Variants in CTNNA1 observed in about 807,000 individuals in gnomAD.
CTNNA1 encodes the protein catenin alpha 1.
CTNNA1 carries 37 observed loss-of-function variants against 98.4 expected under a neutral mutation model. That is an observed-to-expected ratio of 0.38 (90% CI 0.29 to 0.49). CTNNA1 has a LOEUF of 0.49. CTNNA1 is among the 20% of genes least tolerant of loss of function. The pLI is 0.95. For missense variants in CTNNA1, 761 were observed against 1,147.2 expected (o/e 0.66, Z 4.86); for synonymous variants, 404 against 413.2 (o/e 0.98, Z 0.27).
intron 3 of CTNNA1, among the ~76,000 whole-genome samples, chr5:138,799,878 ATGTATGTATGTATGTG>A (rs200197625): frequency 0.037 from 5,654 of 151,658 alleles, 286 homozygotes; most frequent in African/African-American, 0.12. Flanking sequence ...GTATGTATGT[ATGTATGTATGTATGTG>A]TGTGTGTATG....
intron 1 of CTNNA1, among the ~76,000 whole-genome samples, chr5:138,757,840 A>G (rs1402665838): frequency 5.9e-5 from 9 of 152,178 alleles, no homozygotes; most frequent in Non-Finnish European, 1.2e-4. Flanking sequence ...GGATGGAATG[A>G]TAACAGATGA....
intron 1 of CTNNA1, among the ~76,000 whole-genome samples, chr5:138,757,598 G>A (rs1458378566): frequency 2.0e-5 from 3 of 152,184 alleles, no homozygotes; most frequent in South Asian, 2.1e-4. Flanking sequence ...CAGCACTTTC[G>A]TTTCTGGTAG....
intron 8 of CTNNA1, 119 bp from the exon 9 acceptor site, chr5:138,887,371 T>C (rs748377991): frequency 7.3e-5 from 49 of 671,848 alleles, no homozygotes; most frequent in Non-Finnish European, 1.1e-4. Flanking sequence ...GGTCCTCATG[T>C]AAGTGCAGCA....
chr5:138,893,369 G>A (rs1022160480), intron 9 of CTNNA1, among the ~76,000 whole-genome samples: 3 of 151,926 alleles, frequency 2.0e-5, no homozygotes, highest in Admixed American at 6.6e-5. Flanking sequence ...CATCATGTTC[G>A]TTCCTATCAG....
chr5:138,843,025 A>G (rs1303801517), intron 7 of CTNNA1, among the ~76,000 whole-genome samples: 1 of 152,240 alleles, frequency 6.6e-6, no homozygotes, highest in Non-Finnish European at 1.5e-5. Context: ...ATAAACAGCA[A>G]TAATTGTATA....
chr5:138,909,178 T>C (rs1265827800), intron 10 of CTNNA1, among the ~76,000 whole-genome samples: 3 of 152,158 alleles, frequency 2.0e-5, no homozygotes, highest in African/African-American at 7.2e-5. Flanking sequence ...TATTTTTTCT[T>C]AGTTCATTAT....
At chr5:138,768,439 A>T (rs1237246903) in intron 1 of CTNNA1, among the ~76,000 whole-genome samples, 2 of 150,836 alleles carry the variant, frequency 1.3e-5, no homozygotes, top group Admixed American at 6.6e-5. Context: ...TTTTTTTTTT[A>T]AAGTAGAGAT....
intron 9 of CTNNA1, 119 bp from the exon 10 acceptor site, chr5:138,904,230 A>G: frequency 8.1e-7 from 1 of 1,229,520 alleles, no homozygotes; most frequent in Non-Finnish European, 1.1e-6. Flanking sequence ...GTGAGAAGGG[A>G]GGCACCCTTG....
chr5:138,837,933 C>G (rs1438461786), intron 7 of CTNNA1, among the ~76,000 whole-genome samples: 1 of 151,850 alleles, frequency 6.6e-6, no homozygotes, highest in Non-Finnish European at 1.5e-5. Flanking sequence ...CAAGTAGTTT[C>G]TAAAGAGACC....
rs192420096 is a variant in CTNNA1 at position 138,860,796 on chromosome 5, G to A, written c.1063-25416G>A. Among the ~76,000 whole-genome samples the A allele has an allele frequency of 4.9e-3, 751 of 152,254 alleles. 8 individuals carry two copies. The highest frequency in any genetic ancestry group is 3.1e-3 in the Non-Finnish European group (208 of 68,008). The stretch of plus-strand genomic sequence containing the variant: ...TAATACGGTAATAAAATGGGCTCTA[G>A]TTTTTGGAAGTTGACAGCAAGTGTC... On this transcript the variant is annotated intron_variant, in intron 7 of 17. Coordinates refer to ENST00000302763, the MANE Select transcript of CTNNA1 (RefSeq NM_001903.5).
At chr5:138,854,730 ACATTGT>A (rs1376810438) in intron 7 of CTNNA1, among the ~76,000 whole-genome samples, 4 of 152,160 alleles carry the variant, frequency 2.6e-5, no homozygotes, top group Non-Finnish European at 5.9e-5. Context: ...TTCTCATGTT[ACATTGT>A]TTCCCCTTAT....
chr5:138,825,251 A>G (rs1760535928), intron 6 of CTNNA1, among the ~76,000 whole-genome samples: 1 of 152,174 alleles, frequency 6.6e-6, no homozygotes, highest in Admixed American at 6.5e-5. Flanking sequence ...GTCTGCCTAG[A>G]TATACTTCTT....
intron 7 of CTNNA1, among the ~76,000 whole-genome samples, chr5:138,847,403 G>A (rs1762819267): frequency 6.6e-6 from 1 of 152,122 alleles, no homozygotes; most frequent in Non-Finnish European, 1.5e-5. Flanking sequence ...GGGCTCAAGT[G>A]ATCCTCCTGC....
chr5:138,845,707 T>C (rs1194425681), intron 7 of CTNNA1, among the ~76,000 whole-genome samples: 2 of 152,198 alleles, frequency 1.3e-5, no homozygotes, highest in African/African-American at 4.8e-5. Flanking sequence ...ACTGTGATCC[T>C]TGAGGCATAA....
At chr5:138,876,249 C>T (rs1751484286) in intron 7 of CTNNA1, among the ~76,000 whole-genome samples, 1 of 152,176 alleles carries the variant, frequency 6.6e-6, no homozygotes, top group Non-Finnish European at 1.5e-5. Context: ...GGTTGTGACA[C>T]TGAAATAATA....
intron 3 of CTNNA1, among the ~76,000 whole-genome samples, chr5:138,798,594 C>G (rs1246617589): frequency 6.6e-6 from 1 of 152,116 alleles, no homozygotes; most frequent in South Asian, 2.1e-4. Context: ...ATATTTGATG[C>G]TTCAAAAACT....
At chr5:138,856,795 C>G (rs1763767791) in intron 7 of CTNNA1, among the ~76,000 whole-genome samples, 2 of 152,178 alleles carry the variant, frequency 1.3e-5, no homozygotes, top group South Asian at 4.1e-4. Context: ...AAGGTAGAAA[C>G]TGGACCTTTC....
At chr5:138,756,489 C>T (rs1306964054) in intron 1 of CTNNA1, among the ~76,000 whole-genome samples, 1 of 152,106 alleles carries the variant, frequency 6.6e-6, no homozygotes, top group Non-Finnish European at 1.5e-5. Flanking sequence ...ACGTAACTCA[C>T]TGTGGGGCAT....
intron 7 of CTNNA1, among the ~76,000 whole-genome samples, chr5:138,830,997 C>A (rs1162905468): frequency 6.6e-6 from 1 of 152,150 alleles, no homozygotes; most frequent in African/African-American, 2.4e-5. Context: ...AAATATTAGA[C>A]AAATTATGTT....
Sources: gnomAD v4.1 joint callset for allele counts (sites outside exome capture counted in the v4.1 genomes callset) on GRCh38, gnomAD v4.1.1 for gene constraint, MANE v1.5 for transcripts, NCBI Gene and HGNC (gene_info 2026-07-23, HGNC 2026-07-21) for gene names.